Variants in MYL1 observed in about 807,000 individuals in gnomAD.
MYL1 encodes myosin light chain 1/3, skeletal muscle isoform.
A neutral mutation model predicts 21.8 loss-of-function variants in MYL1; 16 were observed. That is an observed-to-expected ratio of 0.74 (90% CI 0.50 to 1.12). The LOEUF (loss-of-function observed/expected upper bound fraction) is 1.12, where lower values mean the gene tolerates loss of function less well. Among genes scored for constraint, MYL1 ranks in the 50% most tolerant of loss-of-function variants. The pLI is 0.00. For missense variants in MYL1, 246 were observed against 241.0 expected (o/e 1.02, Z -0.14); for synonymous variants, 99 against 85.2 (o/e 1.16, Z -0.89).
intron 5 of MYL1, among the ~76,000 whole-genome samples, chr2:210,292,254 G>A (rs1291287519): frequency 6.6e-6 from 1 of 151,956 alleles, no homozygotes; most frequent in Admixed American, 6.6e-5. Flanking sequence ...TGTATTTTTA[G>A]TAGAGACAGG....
chr2:210,307,728 T>C (rs1490950710), intron 1 of MYL1, among the ~76,000 whole-genome samples: 1 of 152,192 alleles, frequency 6.6e-6, no homozygotes, highest in Admixed American at 6.5e-5. Context: ...TAAAAATTTT[T>C]TATTACAATG....
At chr2:210,309,607 C>A (rs1329818040) in intron 1 of MYL1, among the ~76,000 whole-genome samples, 1 of 151,910 alleles carries the variant, frequency 6.6e-6, no homozygotes, top group Non-Finnish European at 1.5e-5. Flanking sequence ...GATATAGAAA[C>A]AAATCACAGA....
At chr2:210,302,766 A>G in intron 1 of MYL1, 3 of 1,566,792 alleles carry the variant, frequency 1.9e-6, no homozygotes, top group East Asian at 2.4e-5. Context: ...CAATTCACTT[A>G]CCAGCAATCT....
rs1027074994 is a variant in MYL1, at chr2:210,290,435, G to A, written c.*47C>T. 6.6e-6 allele frequency: 1 copy of A among 152,176 alleles called. No homozygotes were observed. The highest frequency in any genetic ancestry group is 2.4e-5 in the African/African-American group (1 of 41,432). The allele number at this position is 152,176 out of a possible 1,614,324, so 9.4% of individuals were successfully genotyped here. ...TTTGTCATGGGTGTGATTAAAATAA[G>A]TTTCCAGCCAGTCTTCCTAAACAAT... is the stretch of plus-strand genomic sequence containing the variant. On this transcript the variant is annotated 3_prime_UTR_variant, in exon 7 of 7. Transcript: ENST00000352451.
At chr2:210,293,455 G>A (rs1294409220) in intron 5 of MYL1, among the ~76,000 whole-genome samples, 1 of 152,144 alleles carries the variant, frequency 6.6e-6, no homozygotes, top group Non-Finnish European at 1.5e-5. Context: ...CATCAGCCCT[G>A]TCTAACTCAT....
intron 4 of MYL1, 122 bp from the exon 5 acceptor site, chr2:210,293,922 C>G: frequency 1.2e-6 from 1 of 838,866 alleles, no homozygotes; most frequent in East Asian, 2.4e-5. Flanking sequence ...GTGACTTTCC[C>G]ATTCTTTTGG....
rs115947734 is a variant in MYL1, at chr2:210,310,633, C to T, written c.132+4278G>A. Among the ~76,000 whole-genome samples the T allele has an allele frequency of 5.4e-3, 820 of 152,140 alleles. 10 individuals are homozygous for T. Among genetic ancestry groups the T allele is most frequent in the African/African-American group, 0.019 (776 of 41,554 alleles). Reference sequence around the variant, plus strand: ...GAATATTTCTAGATTCCTGATATTTCACCCTCCTTCTGCAGAACAAAACAC... The same window carrying T: ...GAATATTTCTAGATTCCTGATATTTTACCCTCCTTCTGCAGAACAAAACAC... On this transcript the variant is annotated intron_variant, in intron 1 of 6. Coordinates refer to ENST00000352451, the MANE Select transcript of MYL1 (RefSeq NM_079420.3).
chr2:210,295,818 C>CTT (rs1690164687), intron 3 of MYL1, among the ~76,000 whole-genome samples: 1 of 144,748 alleles, frequency 6.9e-6, no homozygotes, highest in Admixed American at 6.9e-5. Context: ...GAGTGAGACC[C>CTT]TGCCTCAGAA....
chr2:210,308,533 T>C (rs1690373918), intron 1 of MYL1, among the ~76,000 whole-genome samples: 1 of 148,934 alleles, frequency 6.7e-6, no homozygotes, highest in African/African-American at 2.5e-5. Context: ...AGAGATTAGG[T>C]GGTTAGATTG....
chr2:210,315,003 CCGCAGCCACAGGT>C lies in MYL1; in HGVS notation c.27_39del (p.Pro10LeufsTer59), dbSNP rs762532628. On this transcript the variant is annotated frameshift_variant, in exon 1 of 7. Transcript: ENST00000352451. LOFTEE classifies it high-confidence loss of function. Reference sequence around the variant, plus strand: ...GGTGCCGGGGCTGGGGCAGCCGCAGCCGCAGCCACAGGTTTCTTCACGTCTTTCTTTGGTGCCA... The same window carrying C: ...GGTGCCGGGGCTGGGGCAGCCGCAGCTTCTTCACGTCTTTCTTTGGTGCCA... 6 of 1,606,894 alleles carry C rather than the reference CCGCAGCCACAGGT, an allele frequency of 3.7e-6. No homozygotes were observed. The South Asian group carries it at 6.7e-5, about 18-fold the overall frequency.
intron 2 of MYL1, among the ~76,000 whole-genome samples, chr2:210,299,262 T>C (rs1440471008): frequency 6.6e-6 from 1 of 152,220 alleles, no homozygotes; most frequent in Non-Finnish European, 1.5e-5. Flanking sequence ...TATGTTGCTA[T>C]ATCAGCTTTA....
Position 210,294,357 on chromosome 2 carries a change from G to C in MYL1, c.366C>G (p.Asn122Lys), listed in dbSNP as rs1305456634. 1 of 1,613,884 alleles carries C rather than the reference G, an allele frequency of 6.2e-7. No individual in the cohort carries two copies. Among genetic ancestry groups the C allele is most frequent in the Non-Finnish European group, 8.5e-7 (1 of 1,179,954 alleles). The change falls in exon 4 of 7, where the codon AAC becomes AAG. Residue 122 changes from asparagine to lysine, a missense_variant. Coordinates refer to ENST00000352451, the MANE Select transcript of MYL1 (RefSeq NM_079420.3). The part of the protein sequence containing the change: ...QFLPMMQAIS[N>K]NKDQATYEDF... Reference sequence around the variant, plus strand: ...CTTCATAGGTGGCCTGGTCCTTGTTGTTGGAAATGGCTTGCATCATAGGCA... The same window carrying C: ...CTTCATAGGTGGCCTGGTCCTTGTTCTTGGAAATGGCTTGCATCATAGGCA...
intron 1 of MYL1, among the ~76,000 whole-genome samples, chr2:210,311,580 C>G (rs558483319): frequency 6.6e-6 from 1 of 152,092 alleles, no homozygotes; most frequent in South Asian, 2.1e-4. Flanking sequence ...ATTCACAATC[C>G]TATCACCTCA....
intron 3 of MYL1, among the ~76,000 whole-genome samples, chr2:210,297,018 CAT>C (rs35761433): frequency 0.14 from 18,192 of 134,166 alleles, 1,366 homozygotes; most frequent in African/African-American, 0.23. Flanking sequence ...TGTGTGTGTA[CAT>C]ATATATATAT....
At chr2:210,294,072 A>C (rs1461038013) in intron 4 of MYL1, among the ~76,000 whole-genome samples, 173 bp downstream of exon 4, 2 of 152,128 alleles carry the variant, frequency 1.3e-5, no homozygotes, top group Admixed American at 1.3e-4. Context: ...TAACATTTTC[A>C]CCAAACTCAC....
intron 1 of MYL1, chr2:210,303,617 G>A (rs1690297491): frequency 6.3e-7 from 1 of 1,590,318 alleles, no homozygotes; most frequent in African/African-American, 1.4e-5. Flanking sequence ...TCCCTGAGTG[G>A]GGTCATCCCT....
chr2:210,304,706 C>G (rs1419983338), intron 1 of MYL1, among the ~76,000 whole-genome samples: 2 of 152,174 alleles, frequency 1.3e-5, no homozygotes, highest in East Asian at 3.9e-4. Context: ...CTGCACCTGA[C>G]TAATTTTTAT....
intron 3 of MYL1, among the ~76,000 whole-genome samples, chr2:210,295,605 C>A (rs568329161): frequency 6.6e-6 from 1 of 152,138 alleles, no homozygotes; most frequent in East Asian, 1.9e-4. Flanking sequence ...AAGATCATGC[C>A]ACTGCACTCT....
rs112894708 is a variant in MYL1, at chr2:210,298,339, T to TACACACACAC, written c.304+71_304+80dup. 0.028 allele frequency: 32,977 copies of TACACACACAC among 1,185,258 alleles called. 209 individuals are homozygous for TACACACACAC. Among genetic ancestry groups the TACACACACAC allele is most frequent in the South Asian group, 0.048 (3,634 of 75,886 alleles). The allele number at this position is 1,185,258 out of a possible 1,614,324, so 73.4% of individuals were successfully genotyped here. On this transcript the variant is annotated intron_variant, in intron 3 of 6. Coordinates refer to ENST00000352451, the MANE Select transcript of MYL1 (RefSeq NM_079420.3). ...ACACATACTACACACACACACATAC[T>TACACACACAC]ACACACACACACACACACACACACA...
Sources: allele counts gnomAD v4.1 joint callset (sites outside exome capture counted in the v4.1 genomes callset), GRCh38; gene constraint gnomAD v4.1.1; transcripts MANE v1.5; gene names NCBI Gene and HGNC (gene_info 2026-07-23, HGNC 2026-07-21).